The following IL6ST variants were observed in gnomAD, a reference collection of about 807,000 sequenced individuals.
IL6ST encodes interleukin-6 receptor subunit beta.
In IL6ST, 24 loss-of-function variants were observed where a neutral mutation model predicts 91.3. The ratio of observed to expected loss-of-function variants is 0.26; its 90% confidence interval spans 0.19 to 0.37. The LOEUF (loss-of-function observed/expected upper bound fraction) is 0.37. IL6ST is among the 10% of genes least tolerant of loss of function. The pLI is 1.00. For synonymous variants in IL6ST, 351 were observed against 373.6 expected, an observed-to-expected ratio of 0.94 and a Z score of 0.70; for missense variants, 914 against 1,078.5, an observed-to-expected ratio of 0.85 and a Z score of 2.14.
chr5:55,975,856 T>G (rs1753257436), intron 3 of IL6ST, among the ~76,000 whole-genome samples: 1 of 150,944 alleles, frequency 6.6e-6, no homozygotes, highest in African/African-American at 2.4e-5. Flanking sequence ...ATGAATGACG[T>G]AAAATTTAAC....
At position 55,940,635 on chromosome 5, in the gene IL6ST, T is replaced by C. The variant is rs1265479150; in HGVS notation, c.*447A>G. On this transcript the variant is annotated 3_prime_UTR_variant, in exon 17 of 17. Transcript: ENST00000381298. The stretch of plus-strand genomic sequence containing the variant: ...TCTTTTTAAGTTATTTTAGCAGAAG[T>C]AGATGATGGTCTACACCTTGCTCCT... The C allele has an allele frequency of 9.1e-6, 2 of 219,370 alleles. No individual in the cohort carries two copies. The highest frequency in any genetic ancestry group is 1.8e-5 in the Non-Finnish European group (2 of 109,270). The allele number at this position is 219,370 out of a possible 1,614,324, so 13.6% of individuals were successfully genotyped here.
chr5:55,945,040 C>CA (rs368225632), intron 15 of IL6ST, among the ~76,000 whole-genome samples: 10,364 of 71,790 alleles, frequency 0.14, 1,136 homozygotes, highest in African/African-American at 0.27. Flanking sequence ...GGAATTAAAT[C>CA]AAAAAAAAAA....
At position 55,990,179 on chromosome 5, in the gene IL6ST, T is replaced by C. The variant is rs574229097; in HGVS notation, c.-104+4605A>G. Among the ~76,000 whole-genome samples, 10 of 152,282 alleles carry C rather than the reference T, an allele frequency of 6.6e-5. No individual in the cohort carries two copies. The South Asian group carries it at 2.1e-3, about 32-fold the overall frequency. On this transcript the variant is annotated intron_variant, in intron 1 of 16. Transcript: ENST00000381298. ...CACACAGCTTTAAAACAATCATCTA[T>C]ATACTATAGCCATTTTTCAGCCAAT...
In IL6ST at chr5:55,963,392, T is replaced by C; in HGVS notation, c.773A>G (p.Asn258Ser). ...SIKSVIILKY[N>S]IQYRTKDAST... The stretch of plus-strand genomic sequence containing the variant: ...GGCATCTTTGGTCCTATATTGAATG[T>C]TATATTTTAGTATTATAACACTCTT... Residue 258 changes from asparagine to serine, a missense_variant, in exon 7 of 17, where the codon AAC becomes AGC. Physicochemically the swap from Asn to Ser is conservative, Grantham distance 46. Coordinates refer to ENST00000381298, the MANE Select transcript of IL6ST (RefSeq NM_002184.4). 6.2e-7 allele frequency: 1 copy of C among 1,604,020 alleles called. No homozygotes were observed. The highest frequency in any genetic ancestry group is 8.5e-7 in the Non-Finnish European group (1 of 1,173,988).
At chr5:55,977,139 A>G (rs545342451) in intron 2 of IL6ST, among the ~76,000 whole-genome samples, 14 of 151,210 alleles carry the variant, frequency 9.3e-5, no homozygotes, top group African/African-American at 3.4e-4. Context: ...TCAGCAAACA[A>G]AAAAAAAAGA....
At chr5:55,955,199 TG>T (rs1751879613) in intron 10 of IL6ST, among the ~76,000 whole-genome samples, 1 of 152,240 alleles carries the variant, frequency 6.6e-6, no homozygotes, top group Non-Finnish European at 1.5e-5. Flanking sequence ...GGCTCATTCC[TG>T]TAATTCCAAC....
intron 4 of IL6ST, among the ~76,000 whole-genome samples, chr5:55,969,164 G>T (rs1486188786): frequency 6.7e-6 from 1 of 149,000 alleles, no homozygotes; most frequent in Non-Finnish European, 1.5e-5. Flanking sequence ...TCCAGCCTGG[G>T]TGACAGAGCG....
At position 55,941,096 on chromosome 5, in the gene IL6ST, A is replaced by G. The variant is rs759227863; in HGVS notation, c.2743T>C (p.Tyr915His). Reference sequence around the variant, plus strand: ...CTACTAGTCCTTCACTGAGGCATGTAGCCGCCTTGCCGTACAGTCTGTGGT... The same window carrying G: ...CTACTAGTCCTTCACTGAGGCATGTGGCCGCCTTGCCGTACAGTCTGTGGT... ...YLPQTVRQGG[Y>H]MPQ Residue 915 changes from tyrosine to histidine, a missense_variant, in exon 17 of 17, where the codon TAC becomes CAC. Coordinates refer to ENST00000381298, the MANE Select transcript of IL6ST (RefSeq NM_002184.4). The G allele has an allele frequency of 6.2e-7, 1 of 1,611,498 alleles. No individual in the cohort carries two copies. The highest frequency in any genetic ancestry group is 1.1e-5 in the South Asian group (1 of 90,726).
Position 55,994,882 on chromosome 5 carries a change from G to T in IL6ST, c.-202C>A, listed in dbSNP as rs1055765261. The stretch of plus-strand genomic sequence containing the variant: ...CGTCGGCCTGGCAGGCGCGGCCCCC[G>T]GTTCAGCTGCGCCGGGGCGGCCCAG... On this transcript the variant is annotated 5_prime_UTR_variant, in exon 1 of 17. Coordinates refer to ENST00000381298, the MANE Select transcript of IL6ST (RefSeq NM_002184.4). 2.0e-5 allele frequency: 3 copies of T among 152,258 alleles called. No individual in the cohort carries two copies. The highest frequency in any genetic ancestry group is 7.2e-5 in the African/African-American group (3 of 41,448). 9.4% of individuals were successfully genotyped at this position (152,258 alleles called of 1,614,324 possible).
At chr5:55,991,396 GCTTTTCT>G (rs1482890753) in intron 1 of IL6ST, among the ~76,000 whole-genome samples, 1 of 152,024 alleles carries the variant, frequency 6.6e-6, no homozygotes, top group Non-Finnish European at 1.5e-5. Flanking sequence ...GTACATTTTA[GCTTTTCT>G]CAGTTACAAA....
intron 14 of IL6ST, among the ~76,000 whole-genome samples, chr5:55,949,535 T>C (rs1282744724): frequency 1.3e-5 from 2 of 152,018 alleles, no homozygotes; most frequent in Non-Finnish European, 2.9e-5. Context: ...CACACACACA[T>C]ACATATATAC....
intron 1 of IL6ST, among the ~76,000 whole-genome samples, chr5:55,985,664 A>G (rs981239180): frequency 6.6e-6 from 1 of 152,214 alleles, no homozygotes; most frequent in Non-Finnish European, 1.5e-5. Flanking sequence ...TTCATTTTGT[A>G]TATACGGATA....
intron 11 of IL6ST, among the ~76,000 whole-genome samples, chr5:55,952,655 G>A (rs1262755527): frequency 6.6e-6 from 1 of 152,122 alleles, no homozygotes; most frequent in Non-Finnish European, 1.5e-5. Flanking sequence ...GACAATTTTT[G>A]TATGTCTTAC....
At position 55,954,853 on chromosome 5, in the gene IL6ST, G is replaced by A; in HGVS notation, c.1407C>T (p.Asp469=). ...VLSDKAPCIT[D]WQQEDGTVHR... ...GCACGGTACCATCTTCTTGTTGCCA[G>A]TCTGTGATACAGGGTGCTTTATCTG... Residue 469 remains aspartate, a synonymous_variant, in exon 11 of 17, where the codon GAC becomes GAT. Transcript: ENST00000381298. 2 of 1,613,142 alleles carry A rather than the reference G, an allele frequency of 1.2e-6. No homozygotes were observed. The highest frequency in any genetic ancestry group is 1.7e-6 in the Non-Finnish European group (2 of 1,179,606).
In IL6ST at chr5:55,936,863, C is replaced by T. The variant is rs1750563188; in HGVS notation, c.*4219G>A. 1 of 196,720 alleles carries T rather than the reference C, an allele frequency of 5.1e-6. No individual in the cohort carries two copies. The highest frequency in any genetic ancestry group is 6.0e-5 in the Admixed American group (1 of 16,534). 12.2% of individuals were successfully genotyped at this position (196,720 alleles called of 1,614,324 possible). ...TAGATGGGGTAAAACAGCAAGTGAA[C>T]ATGAAAGGATTGCACTTAGAAGAAA... On this transcript the variant is annotated 3_prime_UTR_variant, in exon 17 of 17. Coordinates refer to ENST00000381298, the MANE Select transcript of IL6ST (RefSeq NM_002184.4).
In IL6ST at chr5:55,969,756, A is replaced by G. The variant is rs753372981; in HGVS notation, c.164T>C (p.Met55Thr). ...ATTAGCATTTACATGAAAATAATCC[A>G]TACATTTTTCCTTTAGCACACAAAC... is the stretch of plus-strand genomic sequence containing the variant. ...TAVCVLKEKC[M>T]DYFHVNANYI... The change falls in exon 4 of 17, where the codon ATG becomes ACG. Residue 55 changes from methionine to threonine, a missense_variant. Transcript: ENST00000381298. The G allele has an allele frequency of 2.5e-6, 4 of 1,611,410 alleles. No individual in the cohort carries two copies. In the South Asian group the frequency reaches 3.3e-5, roughly 13 times the overall value.
At chr5:55,973,510 C>T (rs1753084588) in intron 3 of IL6ST, among the ~76,000 whole-genome samples, 1 of 152,196 alleles carries the variant, frequency 6.6e-6, no homozygotes, top group African/African-American at 2.4e-5. Flanking sequence ...TAAAAAGAGG[C>T]CACGTATGGT....
rs1179276342 is a variant in IL6ST, at chr5:55,956,158, T to C, written c.1134A>G (p.Gln378=). 9 of 1,612,874 alleles carry C rather than the reference T, an allele frequency of 5.6e-6. No homozygotes were observed. The highest frequency in any genetic ancestry group is 7.6e-6 in the Non-Finnish European group (9 of 1,178,806). The stretch of plus-strand genomic sequence containing the variant: ...GTTTTGTGGCATTAACTGTGTAATT[T>C]TGTAAATGTGATTTCCATCTTGTGA... ...VTLTRWKSHL[Q]NYTVNATKLT... is the part of the protein sequence containing the mutation. The change falls in exon 10 of 17, where the codon CAA becomes CAG. Residue 378 remains glutamine (Q), a synonymous_variant. Transcript: ENST00000381298.
chr5:55,956,040 C>A lies in IL6ST; in HGVS notation c.1252G>T (p.Ala418Ser), dbSNP rs1751941262. The A allele has an allele frequency of 3.7e-6, 6 of 1,612,256 alleles. No individual in the cohort carries two copies. The highest frequency in any genetic ancestry group is 5.1e-6 in the Non-Finnish European group (6 of 1,178,412). Residue 418 changes from alanine to serine, a missense_variant, in exon 10 of 17, where the codon GCC becomes TCC. Coordinates refer to ENST00000381298, the MANE Select transcript of IL6ST (RefSeq NM_002184.4). ...KSDAAVLTIP[A>S]CDFQATHPVM... is the part of the protein sequence containing the mutation. ...AGATACAAACCTTGAAAGTCACAGG[C>A]AGGGATAGTTAAAACAGCTGCATCT...
Sources: allele counts gnomAD v4.1 joint callset (sites outside exome capture counted in the v4.1 genomes callset), GRCh38; gene constraint gnomAD v4.1.1; transcripts MANE v1.5; gene names NCBI Gene and HGNC (gene_info 2026-07-23, HGNC 2026-07-21).